PAX3: variants seen among roughly 807,000 people sequenced by gnomAD.
PAX3 encodes the protein paired box protein Pax-3.
A neutral mutation model predicts 51.6 loss-of-function variants in PAX3; 14 were observed. The observed-to-expected ratio is 0.27, with a 90% CI of 0.18 to 0.42. The LOEUF (loss-of-function observed/expected upper bound fraction) is 0.42. Among genes scored for constraint, PAX3 ranks in the 10% least tolerant of loss-of-function variants. The pLI is 1.00. For synonymous variants in PAX3, 280 were observed against 253.4 expected (o/e 1.11, Z -1.00); for missense variants, 540 against 642.8 (o/e 0.84, Z 1.73).
At chr2:222,257,343 T>C (rs192097256) in intron 4 of PAX3, among the ~76,000 whole-genome samples, 9 of 152,310 alleles carry the variant, frequency 5.9e-5, no homozygotes, top group Admixed American at 5.9e-4. Flanking sequence ...GAGCCAAATA[T>C]GAAGGGCCAA....
intron 4 of PAX3, among the ~76,000 whole-genome samples, chr2:222,248,634 T>A (rs1693313355): frequency 6.6e-6 from 1 of 152,184 alleles, no homozygotes; most frequent in African/African-American, 2.4e-5. Flanking sequence ...CAGCAGTACT[T>A]TTTCATTTTA....
chr2:222,286,631 G>T (rs1694843496), intron 4 of PAX3, among the ~76,000 whole-genome samples: 1 of 152,212 alleles, frequency 6.6e-6, no homozygotes, highest in Admixed American at 6.5e-5. Context: ...TATGCAACGT[G>T]CAAGGCAAAA....
chr2:222,272,328 T>C (rs1315547513), intron 4 of PAX3, among the ~76,000 whole-genome samples: 1 of 152,210 alleles, frequency 6.6e-6, no homozygotes, highest in East Asian at 1.9e-4. Context: ...ATGGAGTAAG[T>C]GTTATGTCAA....
At chr2:222,243,222 G>A (rs536578084) in intron 4 of PAX3, among the ~76,000 whole-genome samples, 10 of 152,320 alleles carry the variant, frequency 6.6e-5, no homozygotes, top group African/African-American at 1.9e-4. Context: ...CCTATGCAAA[G>A]AAGTAAGAAG....
At chr2:222,264,679 C>G (rs1693981163) in intron 4 of PAX3, 2 of 152,120 alleles carry the variant, frequency 1.3e-5, no homozygotes, top group African/African-American at 4.8e-5. Context: ...AGATTACCTC[C>G]TTGAACAAAG....
chr2:222,223,476 C>T (rs1167745383), intron 5 of PAX3, among the ~76,000 whole-genome samples: 1 of 152,094 alleles, frequency 6.6e-6, no homozygotes, highest in Non-Finnish European at 1.5e-5. Context: ...ACCACGGCTC[C>T]CAAAGGCATC....
chr2:222,295,645 G>T lies in PAX3; in HGVS notation c.334C>A (p.Pro112Thr). Residue 112 changes from proline (P) to threonine (T), a missense_variant, in exon 3 of 9, where the codon CCT (proline) becomes ACT (threonine). Pro to Thr is a conservative substitution (Grantham distance 38). Transcript: ENST00000392070. Reference sequence around the variant, plus strand: ...TCCTCAATTTTCTTCTCCACGTCAGGCGTTGTCACCTGCTTTAAGAGAACA... The same window carrying T: ...TCCTCAATTTTCTTCTCCACGTCAGTCGTTGTCACCTGCTTTAAGAGAACA... ...GGSKPKQVTT[P>T]DVEKKIEEYK... 6.2e-7 allele frequency: 1 copy of T among 1,614,156 alleles called. No homozygotes were observed. The highest frequency in any genetic ancestry group is 8.5e-7 in the Non-Finnish European group (1 of 1,180,026).
intron 1 of PAX3, chr2:222,298,131 C>A (rs1695404305): frequency 4.8e-6 from 1 of 208,292 alleles, no homozygotes; most frequent in Non-Finnish European, 9.7e-6. Context: ...ACTTCCTGAA[C>A]TAACATATGT....
chr2:222,275,140 G>A (rs1276962195), intron 4 of PAX3, among the ~76,000 whole-genome samples: 1 of 152,130 alleles, frequency 6.6e-6, no homozygotes, highest in African/African-American at 2.4e-5. Context: ...TATTTGATCT[G>A]AGTACAGGAT....
At position 222,296,983 on chromosome 2, in the gene PAX3, G is replaced by C. The variant is rs764868613; in HGVS notation, c.316C>G (p.Pro106Ala). The change falls in exon 2 of 9, where the codon CCC becomes GCC. Residue 106 changes from proline (P) to alanine (A), a missense_variant. Physicochemically the swap from Pro to Ala is conservative, Grantham distance 27. Around this residue, in one of 3 missense-constraint regions of PAX3, gnomAD observed 50 missense variants for 109.3 expected, o/e 0.46. Transcript: ENST00000392070. ...IRPGAIGGSK[P>A]KQVTTPDVEK... ...GGCAAGGCCCGCCCGCTCACCTTGG[G>C]CTTGCTGCCGCCGATGGCACCAGGA... The C allele has an allele frequency of 6.2e-7, 1 of 1,612,750 alleles. No homozygotes were observed. Among genetic ancestry groups the C allele is most frequent in the Non-Finnish European group, 8.5e-7 (1 of 1,179,436 alleles).
chr2:222,211,033 A>G (rs1691705151), intron 7 of PAX3, among the ~76,000 whole-genome samples: 1 of 151,942 alleles, frequency 6.6e-6, no homozygotes. Flanking sequence ...TTCCCAGCTA[A>G]TTTTTGTATG....
At chr2:222,231,978 AT>A (rs1187989172) in intron 5 of PAX3, 99 bp downstream of exon 5, 1 of 1,051,846 alleles carries the variant, frequency 9.5e-7, no homozygotes, top group Non-Finnish European at 1.5e-6. Context: ...GCCATTCCTA[AT>A]ACATTTTTGG....
intron 4 of PAX3, among the ~76,000 whole-genome samples, chr2:222,290,217 C>A (rs909277636): frequency 1.3e-5 from 2 of 152,222 alleles, no homozygotes; most frequent in South Asian, 4.1e-4. Context: ...TGCTTTTCTG[C>A]GTTTTAAACT....
intron 4 of PAX3, among the ~76,000 whole-genome samples, chr2:222,256,349 C>T (rs1034215115): frequency 2.0e-5 from 3 of 152,104 alleles, no homozygotes; most frequent in Admixed American, 6.5e-5. Flanking sequence ...CTGGACGACG[C>T]CTTGATAGGA....
intron 4 of PAX3, among the ~76,000 whole-genome samples, chr2:222,255,232 T>C (rs185608746): frequency 1.3e-5 from 2 of 152,364 alleles, no homozygotes; most frequent in South Asian, 2.1e-4. Context: ...TCATGGGATC[T>C]GATTTTGATG....
At position 222,249,781 on chromosome 2, in the gene PAX3, C is replaced by T. The variant is rs370893286; in HGVS notation, c.587-17498G>A. Among the ~76,000 whole-genome samples the T allele has an allele frequency of 1.1e-3, 172 of 152,290 alleles. 2 individuals are homozygous for T. The South Asian group carries it at 0.026, about 23-fold the overall frequency. Reference sequence around the variant, plus strand: ...GTGAAGCCAGTCTTCAAGTGAAAGACACTTTCCTTCTATGTCTGCCCTTCC... The same window carrying T: ...GTGAAGCCAGTCTTCAAGTGAAAGATACTTTCCTTCTATGTCTGCCCTTCC... On this transcript the variant is annotated intron_variant, in intron 4 of 8. Transcript: ENST00000392070.
intron 4 of PAX3, among the ~76,000 whole-genome samples, chr2:222,265,880 T>G (rs892438970): frequency 1.3e-5 from 2 of 152,238 alleles, no homozygotes; most frequent in African/African-American, 2.4e-5. Flanking sequence ...AATCAAACTC[T>G]TAATCAACCA....
chr2:222,294,750 T>A lies in PAX3; in HGVS notation c.452-449A>T, dbSNP rs45449200. ...TAAGGGAGGAAGAACCAAAGCCGAC[T>A]TGTCCGCGCCCCCCCCCACCCCCCC... is the stretch of plus-strand genomic sequence containing the variant. On this transcript the variant is annotated intron_variant, in intron 3 of 8. Coordinates refer to ENST00000392070, the MANE Select transcript of PAX3 (RefSeq NM_181458.4). 4.4e-3 allele frequency among the ~76,000 whole-genome samples: 527 copies of A among 119,404 alleles called. 6 individuals are homozygous for A. The highest frequency in any genetic ancestry group is 0.014 in the African/African-American group (468 of 33,928). 78.3% of individuals were successfully genotyped at this position (119,404 alleles called of 152,430 possible). A position where few individuals can be genotyped will look rare whatever the true frequency, so the allele number is the denominator to read the frequency against.
intron 3 of PAX3, 98 bp from the exon 4 acceptor site, chr2:222,294,399 C>A: frequency 7.2e-7 from 1 of 1,390,954 alleles, no homozygotes; most frequent in East Asian, 2.3e-5. Flanking sequence ...CCAGCCAGGG[C>A]CCTAGAGCCG....
Sources: allele counts gnomAD v4.1 joint callset (sites outside exome capture counted in the v4.1 genomes callset), GRCh38; gene constraint gnomAD v4.1.1; regional missense constraint gnomAD v4.1.1; transcripts MANE v1.5; gene names NCBI Gene and HGNC (gene_info 2026-07-23, HGNC 2026-07-21).